Variants in CYP2F1 observed in about 807,000 individuals in gnomAD.
CYP2F1 encodes the protein cytochrome P450 family 2 subfamily F member 1.
In CYP2F1, 33 loss-of-function variants were observed where a neutral mutation model predicts 40.4. The observed-to-expected ratio is 0.82, with a 90% CI of 0.62 to 1.09. CYP2F1 has a LOEUF of 1.09. Among genes scored for constraint, CYP2F1 ranks in the 50% least tolerant of loss-of-function variants. The probability of loss-of-function intolerance (pLI) is 0.00; values close to 1 mark genes in which losing one functional copy is unlikely to be tolerated. For missense variants in CYP2F1, 566 were observed against 655.7 expected, an observed-to-expected ratio of 0.86 and a Z score of 1.49; for synonymous variants, 235 against 277.2, an observed-to-expected ratio of 0.85 and a Z score of 1.51.
chr19:41,123,814 G>T (rs1000401024), intron 7 of CYP2F1, among the ~76,000 whole-genome samples: 1 of 151,922 alleles, frequency 6.6e-6, no homozygotes, highest in African/African-American at 2.4e-5. Context: ...GTGAGCCACC[G>T]CTCCTGCCTC....
At chr19:41,119,721 C>CTA (rs1442093221) in intron 3 of CYP2F1, among the ~76,000 whole-genome samples, 5 of 37,124 alleles carry the variant, frequency 1.3e-4, no homozygotes, top group African/African-American at 1.9e-4. Context: ...CTCTCTCTCT[C>CTA]TCTATATATA....
rs1568382779 is a variant in CYP2F1 at position 41,125,654 on chromosome 19, T to A, written c.1294+20T>A. The stretch of plus-strand genomic sequence containing the variant: ...CAGCTGGTGAGGGCAGGAATCAGAG[T>A]CTTTCTGGCCCAATTTCTACCTACA... On this transcript the variant is annotated intron_variant, in intron 9 of 9. Coordinates refer to ENST00000331105, the MANE Select transcript of CYP2F1 (RefSeq NM_000774.5). 1 of 1,613,448 alleles carries A rather than the reference T, an allele frequency of 6.2e-7. No homozygotes were observed. Among genetic ancestry groups the A allele is most frequent in the East Asian group, 2.2e-5 (1 of 44,884 alleles).
At chr19:41,126,019 G>A (rs1475459725) in intron 9 of CYP2F1, among the ~76,000 whole-genome samples, 1 of 151,946 alleles carries the variant, frequency 6.6e-6, no homozygotes, top group African/African-American at 2.4e-5. Context: ...TGTAGTCCCC[G>A]CTACTCTGGA....
At chr19:41,114,859 T>A in intron 1 of CYP2F1, among the ~76,000 whole-genome samples, 1 of 129,454 alleles carries the variant, frequency 7.7e-6, no homozygotes, top group African/African-American at 2.9e-5. Context: ...AACCTCCACC[T>A]CCTGGGTTCA....
intron 1 of CYP2F1, among the ~76,000 whole-genome samples, chr19:41,115,912 T>G (rs2031766316): frequency 6.6e-6 from 1 of 152,094 alleles, no homozygotes; most frequent in Non-Finnish European, 1.5e-5. Context: ...TTTATGCATA[T>G]CTCTTGGCCT....
At chr19:41,117,458 C>T (rs1044155900) in intron 3 of CYP2F1, among the ~76,000 whole-genome samples, 1 of 152,066 alleles carries the variant, frequency 6.6e-6, no homozygotes, top group African/African-American at 2.4e-5. Context: ...GCTACTTTCC[C>T]CCAATCCCAG....
At chr19:41,122,690 G>A (rs1429832582) in intron 6 of CYP2F1, 132 bp from the exon 7 acceptor site, 31 of 920,606 alleles carry the variant, frequency 3.4e-5, no homozygotes, top group East Asian at 5.7e-5. Flanking sequence ...GCCCTTCTCC[G>A]TTCCCCAGCT....
intron 6 of CYP2F1, among the ~76,000 whole-genome samples, 182 bp from the exon 7 acceptor site, chr19:41,122,640 A>G (rs1356571606): frequency 1.3e-5 from 2 of 152,102 alleles, no homozygotes; most frequent in Non-Finnish European, 2.9e-5. Flanking sequence ...CTATCCAAGA[A>G]GTTAATTGTA....
rs763863949 is a variant in CYP2F1 at position 41,116,554 on chromosome 19, C to G, written c.271C>G (p.Gln91Glu). The G allele has an allele frequency of 6.2e-7, 1 of 1,613,962 alleles. No homozygotes were observed. The highest frequency in any genetic ancestry group is 8.5e-7 in the Non-Finnish European group (1 of 1,179,942). The stretch of plus-strand genomic sequence containing the variant: ...AGCTGTGAAGGAGGCCCTGGTGGAC[C>G]AGGGAGAGGAGTTTAGTGGCCGCGG... ...YQAVKEALVD[Q>E]GEEFSGRGDY... Residue 91 changes from glutamine to glutamate, a missense_variant, in exon 3 of 10, where the codon CAG (glutamine) becomes GAG (glutamate). Physicochemically the swap from Gln to Glu is conservative, Grantham distance 29. Transcript: ENST00000331105.
At chr19:41,119,748 T>TATATATATATATATATATACAC (rs1337166345) in intron 3 of CYP2F1, among the ~76,000 whole-genome samples, 2 of 36,100 alleles carry the variant, frequency 5.5e-5, no homozygotes, top group African/African-American at 1.1e-4. Flanking sequence ...TATATATATA[T>TATATATATATATATATATACAC]ACACACACAC....
At position 41,120,365 on chromosome 19, in the gene CYP2F1, G is replaced by A. The variant is rs199931801; in HGVS notation, c.353G>A (p.Gly118Glu). The change falls in exon 4 of 10, where the codon GGG (glycine) becomes GAG (glutamate). Residue 118 changes from glycine (G) to glutamate (E), a missense_variant. Physicochemically the swap from Gly to Glu is moderately conservative, Grantham distance 98. Coordinates refer to ENST00000331105, the MANE Select transcript of CYP2F1 (RefSeq NM_000774.5). ...TKGNGIAFSS[G>E]DRWKVLRQFS... ...TCCCCAGGCATCGCCTTCTCCAGTGGGGATCGATGGAAGGTCCTGAGACAG... is the reference window on the plus strand; with the variant it reads ...TCCCCAGGCATCGCCTTCTCCAGTGAGGATCGATGGAAGGTCCTGAGACAG... 1 of 1,608,482 alleles carries A rather than the reference G, an allele frequency of 6.2e-7. No homozygotes were observed. The highest frequency in any genetic ancestry group is 1.3e-5 in the African/African-American group (1 of 74,616).
rs969431210 is a variant in CYP2F1 at position 41,122,808 on chromosome 19, C to G, written c.823-14C>G. ...CCATTCCTGGCTCACATCCCCACCC[C>G]TCTACCAATGCAGGAGAAGGAGGAC... On this transcript the variant is annotated splice_polypyrimidine_tract_variant and intron_variant, in intron 6 of 9. Coordinates refer to ENST00000331105, the MANE Select transcript of CYP2F1 (RefSeq NM_000774.5). 6.6e-7 allele frequency: 1 copy of G among 1,526,384 alleles called. No homozygotes were observed. The highest frequency in any genetic ancestry group is 2.1e-5 in the Admixed American group (1 of 47,286). The allele number at this position is 1,526,384 out of a possible 1,614,324, so 94.6% of individuals were successfully genotyped here. A position where few individuals can be genotyped will look rare whatever the true frequency, so the allele number is the denominator to read the frequency against.
At chr19:41,118,867 G>A (rs955083031) in intron 3 of CYP2F1, among the ~76,000 whole-genome samples, 5 of 152,204 alleles carry the variant, frequency 3.3e-5, no homozygotes, top group African/African-American at 1.2e-4. Flanking sequence ...ATACACTATA[G>A]TCTTTTTTCT....
rs1266296964 is a variant in CYP2F1, at chr19:41,121,628, C to T, written c.645+10C>T. 2 of 1,607,020 alleles carry T rather than the reference C, an allele frequency of 1.2e-6. No homozygotes were observed. The highest frequency in any genetic ancestry group is 3.3e-5 in the Admixed American group (2 of 59,808). ...CAGCCCCTGGGGCGAGGTCAGCCAACTGAGTCCAGCAGGGGCAGGGTGTGG... is the reference window on the plus strand; with the variant it reads ...CAGCCCCTGGGGCGAGGTCAGCCAATTGAGTCCAGCAGGGGCAGGGTGTGG... On this transcript the variant is annotated intron_variant, in intron 5 of 9. Transcript: ENST00000331105.
chr19:41,124,371 C>T (rs1016719378), intron 7 of CYP2F1, among the ~76,000 whole-genome samples: 16 of 146,718 alleles, frequency 1.1e-4, no homozygotes, highest in South Asian at 8.8e-4. Flanking sequence ...TCAAGTGATT[C>T]TCCTGCCTCA....
Position 41,121,467 on chromosome 19 carries a change from T to C in CYP2F1, c.494T>C (p.Phe165Ser). 1.9e-6 allele frequency: 3 copies of C among 1,609,626 alleles called. No homozygotes were observed. The highest frequency in any genetic ancestry group is 1.7e-6 in the Non-Finnish European group (2 of 1,179,616). Residue 165 changes from phenylalanine (F) to serine (S), a missense_variant, in exon 5 of 10, where the codon TTT becomes TCT. Coordinates refer to ENST00000331105, the MANE Select transcript of CYP2F1 (RefSeq NM_000774.5). Reference sequence around the variant, plus strand: ...CACTCCTTACCCTCAGGCGAGCCCTTTGACCCCACGTTTGTGCTGAGTCGC... The same window carrying C: ...CACTCCTTACCCTCAGGCGAGCCCTCTGACCCCACGTTTGTGCTGAGTCGC... ...AELRKTEGEP[F>S]DPTFVLSRSV... is the part of the protein sequence containing the mutation.
chr19:41,117,904 C>G (rs1372711242), intron 3 of CYP2F1, among the ~76,000 whole-genome samples: 3 of 151,984 alleles, frequency 2.0e-5, no homozygotes, highest in Non-Finnish European at 4.4e-5. Context: ...GGCTGGAAAG[C>G]AATGACGCAA....
At chr19:41,120,042 C>T (rs985762023) in intron 3 of CYP2F1, among the ~76,000 whole-genome samples, 4 of 151,974 alleles carry the variant, frequency 2.6e-5, no homozygotes, top group Non-Finnish European at 5.9e-5. Flanking sequence ...AAGACAGGCA[C>T]CCACTCTGCC....
chr19:41,119,161 G>T (rs1378200768), intron 3 of CYP2F1, among the ~76,000 whole-genome samples: 2 of 152,128 alleles, frequency 1.3e-5, no homozygotes, highest in Non-Finnish European at 2.9e-5. Flanking sequence ...TGAGTATTCA[G>T]GAGAAGGCAG....
Sources: gnomAD v4.1 joint callset for allele counts (sites outside exome capture counted in the v4.1 genomes callset) on GRCh38, gnomAD v4.1.1 for gene constraint, MANE v1.5 for transcripts, NCBI Gene and HGNC (gene_info 2026-07-23, HGNC 2026-07-21) for gene names.